UBAP1: variants seen among roughly 807,000 people sequenced by gnomAD.
The protein encoded by UBAP1 is ubiquitin associated protein 1, also known as ubiquitin-associated protein 1.
In UBAP1, 5 loss-of-function variants were observed where a neutral mutation model predicts 39.0. That is an observed-to-expected ratio of 0.13 (90% CI 0.07 to 0.27). The LOEUF (loss-of-function observed/expected upper bound fraction) is 0.27, where lower values mean the gene tolerates loss of function less well. Ranked by LOEUF, UBAP1 falls within the 10% of genes least tolerant of loss-of-function variation. The pLI is 1.00. For missense variants in UBAP1, 490 were observed against 608.1 expected, an observed-to-expected ratio of 0.81 and a Z score of 2.04; for synonymous variants, 211 against 225.1, an observed-to-expected ratio of 0.94 and a Z score of 0.56.
At chr9:34,185,581 C>T (rs979119875) in intron 1 of UBAP1, among the ~76,000 whole-genome samples, 13 of 151,662 alleles carry the variant, frequency 8.6e-5, no homozygotes, top group African/African-American at 3.2e-4. Context: ...TGCTGTGGGT[C>T]ATGCCTGTAA....
chr9:34,247,571 T>C (rs1834243428), intron 4 of UBAP1, among the ~76,000 whole-genome samples: 1 of 152,018 alleles, frequency 6.6e-6, no homozygotes, highest in South Asian at 2.1e-4. Context: ...ATTACAGGAA[T>C]GCACCACCAC....
At chr9:34,211,586 G>A (rs573286140) in intron 1 of UBAP1, among the ~76,000 whole-genome samples, 1 of 152,234 alleles carries the variant, frequency 6.6e-6, no homozygotes, top group African/African-American at 2.4e-5. Context: ...GTGAAAATGA[G>A]AGAACATTAA....
chr9:34,209,027 TG>T (rs1253161770), intron 1 of UBAP1, among the ~76,000 whole-genome samples: 21 of 151,928 alleles, frequency 1.4e-4, no homozygotes. Context: ...CTCCGCTTCC[TG>T]GGTTCAAGCC....
At chr9:34,204,791 A>G (rs1831593418) in intron 1 of UBAP1, among the ~76,000 whole-genome samples, 1 of 151,738 alleles carries the variant, frequency 6.6e-6, no homozygotes, top group South Asian at 2.1e-4. Context: ...TGATTTTTGG[A>G]GTTGGGAAGG....
At chr9:34,223,063 T>G (rs1832845160) in intron 2 of UBAP1, among the ~76,000 whole-genome samples, 1 of 152,242 alleles carries the variant, frequency 6.6e-6, no homozygotes, top group South Asian at 2.1e-4. Flanking sequence ...GTGTTTCAAC[T>G]GAACATTCCA....
chr9:34,188,591 C>A (rs1400655758), intron 1 of UBAP1, among the ~76,000 whole-genome samples: 1 of 151,920 alleles, frequency 6.6e-6, no homozygotes, highest in Non-Finnish European at 1.5e-5. Flanking sequence ...TAACTTCCTG[C>A]CTTTTTCTGT....
At chr9:34,182,026 T>G (rs1830067533) in intron 1 of UBAP1, among the ~76,000 whole-genome samples, 1 of 149,612 alleles carries the variant, frequency 6.7e-6, no homozygotes, top group Non-Finnish European at 1.5e-5. Flanking sequence ...TTTGAACTCC[T>G]GAGCTCAAGT....
intron 1 of UBAP1, among the ~76,000 whole-genome samples, chr9:34,183,101 A>C (rs1830183513): frequency 6.6e-6 from 1 of 151,964 alleles, no homozygotes; most frequent in Admixed American, 6.6e-5. Context: ...TATGTTATTG[A>C]ATGTATTGAA....
chr9:34,249,923 C>T lies in UBAP1; in HGVS notation c.1228C>T (p.Leu410Phe). 6.2e-7 allele frequency: 1 copy of T among 1,614,176 alleles called. No homozygotes were observed. The highest frequency in any genetic ancestry group is 1.1e-5 in the South Asian group (1 of 91,088). Residue 410 changes from leucine (L) to phenylalanine (F), a missense_variant, in exon 5 of 7, where the codon CTC (leucine) becomes TTC (phenylalanine). This residue lies in a region of UBAP1 where 339 missense variants were observed against 390.0 expected (regional missense o/e 0.87). Transcript: ENST00000297661. Reference protein sequence around the residue: ...VNMGYSYECVLRAMKKKGENI... With the variant: ...VNMGYSYECVFRAMKKKGENI... ...CATGGGCTACTCGTACGAGTGTGTC[C>T]TCAGAGCCATGAAGAAGAAAGGAGA... is the stretch of plus-strand genomic sequence containing the variant.
At chr9:34,191,203 A>G (rs1193445249) in intron 1 of UBAP1, among the ~76,000 whole-genome samples, 1 of 152,134 alleles carries the variant, frequency 6.6e-6, no homozygotes, top group South Asian at 2.1e-4. Flanking sequence ...GTGTGTATGG[A>G]TAACTTGGAT....
At chr9:34,219,543 A>G (rs1172596369) in intron 1 of UBAP1, among the ~76,000 whole-genome samples, 2 of 152,078 alleles carry the variant, frequency 1.3e-5, no homozygotes, top group Non-Finnish European at 2.9e-5. Flanking sequence ...CAAGTTGAGT[A>G]TCCCTCATCT....
chr9:34,217,630 C>G (rs376063162), intron 1 of UBAP1, among the ~76,000 whole-genome samples: 1 of 137,290 alleles, frequency 7.3e-6, no homozygotes, highest in African/African-American at 2.7e-5. Context: ...ACCTGAGTAA[C>G]AAAAAAAAAA....
intron 4 of UBAP1, 117 bp downstream of exon 4, chr9:34,242,225 G>A: frequency 9.1e-7 from 1 of 1,095,940 alleles, no homozygotes; most frequent in Non-Finnish European, 1.3e-6. Flanking sequence ...TGCCCAGGCT[G>A]GAATGCAGTG....
rs74716638 is a variant in UBAP1 at position 34,193,537 on chromosome 9, A to G, written c.-8+14297A>G. Among the ~76,000 whole-genome samples, 1,177 of 152,082 alleles carry G rather than the reference A, an allele frequency of 7.7e-3. 14 individuals are homozygous for G. The highest frequency in any genetic ancestry group is 0.026 in the African/African-American group (1,096 of 41,488). On this transcript the variant is annotated intron_variant, in intron 1 of 6. Coordinates refer to ENST00000297661, the MANE Select transcript of UBAP1 (RefSeq NM_016525.5). ...CTGCACACCCCTGGACACCAGTTGC[A>G]TGTCTGGGGCCCTGGATCTTATGAC... is the stretch of plus-strand genomic sequence containing the variant.
intron 4 of UBAP1, among the ~76,000 whole-genome samples, chr9:34,247,025 T>A (rs1488018125): frequency 1.3e-5 from 2 of 152,098 alleles, no homozygotes; most frequent in Non-Finnish European, 2.9e-5. Flanking sequence ...ATTGAAAAAA[T>A]AATGACAAAT....
At chr9:34,181,116 C>CTTTTTTTTTTTTTTTTTTT (rs67856544) in intron 1 of UBAP1, among the ~76,000 whole-genome samples, 99 of 72,266 alleles carry the variant, frequency 1.4e-3, no homozygotes, top group Non-Finnish European at 2.0e-3. Context: ...GGCCTGTTTT[C>CTTTTTTTTTTTTTTTTTTT]TTTTTTTTTT....
intron 1 of UBAP1, among the ~76,000 whole-genome samples, chr9:34,202,949 T>A (rs1479574591): frequency 2.0e-5 from 3 of 152,152 alleles, no homozygotes; most frequent in Non-Finnish European, 4.4e-5. Flanking sequence ...GTGTTTGGAT[T>A]GGGACTCAAA....
At chr9:34,204,919 A>C (rs1411433410) in intron 1 of UBAP1, among the ~76,000 whole-genome samples, 2 of 152,212 alleles carry the variant, frequency 1.3e-5, no homozygotes, top group Non-Finnish European at 2.9e-5. Flanking sequence ...AGGACACTGC[A>C]CTGAACTCTC....
At chr9:34,212,938 G>A (rs1832099268) in intron 1 of UBAP1, among the ~76,000 whole-genome samples, 1 of 152,124 alleles carries the variant, frequency 6.6e-6, no homozygotes, top group Admixed American at 6.5e-5. Context: ...GAACATAGAT[G>A]CTAAAATCCT....
Sources: allele counts gnomAD v4.1 joint callset (sites outside exome capture counted in the v4.1 genomes callset), GRCh38; gene constraint gnomAD v4.1.1; regional missense constraint gnomAD v4.1.1; transcripts MANE v1.5; gene names NCBI Gene and HGNC (gene_info 2026-07-23, HGNC 2026-07-21).